DPP6: variants seen among roughly 807,000 people sequenced by gnomAD.
DPP6 encodes the protein A-type potassium channel modulatory protein DPP6.
A neutral mutation model predicts 122.6 loss-of-function variants in DPP6; 69 were observed. The observed-to-expected ratio is 0.56, with a 90% confidence interval of 0.46 to 0.69. The LOEUF (loss-of-function observed/expected upper bound fraction) is 0.69. DPP6 is among the 30% of genes least tolerant of loss of function. The probability of loss-of-function intolerance (pLI) is 0.00; values close to 1 mark genes in which losing one functional copy is unlikely to be tolerated. For synonymous variants in DPP6, 418 were observed against 433.1 expected, an observed-to-expected ratio of 0.97 and a Z score of 0.43; for missense variants, 928 against 1,116.9, an observed-to-expected ratio of 0.83 and a Z score of 2.41.
At chr7:154,669,274 T>C (rs1335304004) in intron 6 of DPP6, 86 bp from the exon 7 acceptor site, 1 of 1,545,716 alleles carries the variant, frequency 6.5e-7, no homozygotes, top group Non-Finnish European at 8.7e-7. Flanking sequence ...AGGAGTTAAG[T>C]TATAGGTAGG....
rs1319586316 is a variant in DPP6, at chr7:154,481,525, C to T, written c.457+6488C>T. Among the ~76,000 whole-genome samples the T allele has an allele frequency of 6.6e-6, 1 of 151,340 alleles. No homozygotes were observed. Among genetic ancestry groups the T allele is most frequent in the Non-Finnish European group, 1.5e-5 (1 of 67,796 alleles). On this transcript the variant is annotated intron_variant, in intron 3 of 25. Coordinates refer to ENST00000377770, the MANE Select transcript of DPP6 (RefSeq NM_130797.4). The surrounding 1 kb of genome is among the most constrained non-coding windows in gnomAD (Gnocchi z 4.2). ...GCCCACTGTGCGAGCACAGCCCTGG[C>T]CCCCCGACCCTCCATGTCTCAGACT...
chr7:154,631,305 G>C (rs1320315327), intron 5 of DPP6, among the ~76,000 whole-genome samples: 2 of 152,180 alleles, frequency 1.3e-5, no homozygotes, highest in Non-Finnish European at 2.9e-5. Flanking sequence ...AGCAGGTCCT[G>C]GAATCAGGAA....
At chr7:154,118,904 CT>C (rs1251264834) in intron 1 of DPP6, among the ~76,000 whole-genome samples, 1 of 149,404 alleles carries the variant, frequency 6.7e-6, no homozygotes, top group Non-Finnish European at 1.5e-5. Flanking sequence ...TACACTGTTT[CT>C]TCTTCCCTAT....
intron 1 of DPP6, among the ~76,000 whole-genome samples, chr7:154,143,899 T>C (rs1795964801): frequency 1.3e-5 from 2 of 152,244 alleles, no homozygotes; most frequent in African/African-American, 4.8e-5. Flanking sequence ...ATTCATTAAA[T>C]AATTTCCTTA....
At chr7:154,883,103 GCT>G (rs1193508758) in intron 21 of DPP6, among the ~76,000 whole-genome samples, 2 of 140,144 alleles carry the variant, frequency 1.4e-5, no homozygotes, top group Non-Finnish European at 3.1e-5. Context: ...CCATACACAT[GCT>G]CTCACATACA....
At chr7:154,348,578 A>G (rs1288001607) in intron 1 of DPP6, among the ~76,000 whole-genome samples, 1 of 152,212 alleles carries the variant, frequency 6.6e-6, no homozygotes, top group Non-Finnish European at 1.5e-5. Context: ...CATGAAAGGT[A>G]GAAGATGAAA....
intron 1 of DPP6, among the ~76,000 whole-genome samples, chr7:154,168,409 G>C (rs994577393): frequency 1.7e-4 from 26 of 152,178 alleles, no homozygotes; most frequent in Admixed American, 1.4e-3. Context: ...TGGAAAATGT[G>C]AATGGAAAGA....
the DPP6 span, among the ~76,000 whole-genome samples, chr7:153,844,905 A>C: frequency 4.6e-5 from 7 of 152,334 alleles, no homozygotes; most frequent in South Asian, 1.4e-3. Flanking sequence ...TTTGTCACCC[A>C]TGTAAATAAA....
At chr7:153,925,248 C>CT (rs1164194837) in intron 1 of DPP6, among the ~76,000 whole-genome samples, 3 of 152,106 alleles carry the variant, frequency 2.0e-5, no homozygotes, top group Non-Finnish European at 4.4e-5. Flanking sequence ...TGAAGGGAGA[C>CT]TATCTGCATG....
At chr7:154,473,449 A>T (rs539340201) in intron 2 of DPP6, among the ~76,000 whole-genome samples, 1 of 152,318 alleles carries the variant, frequency 6.6e-6, no homozygotes, top group East Asian at 1.9e-4. Context: ...AAAGACTGCT[A>T]CACACAGTAA....
the DPP6 span, among the ~76,000 whole-genome samples, chr7:153,874,252 G>GCGCACACA: frequency 7.3e-5 from 11 of 150,092 alleles, no homozygotes; most frequent in African/African-American, 1.7e-4. Flanking sequence ...GTGCGCACAT[G>GCGCACACA]CACACACACA....
At chr7:154,217,208 C>T (rs1183315283) in intron 1 of DPP6, among the ~76,000 whole-genome samples, 1 of 151,938 alleles carries the variant, frequency 6.6e-6, no homozygotes, top group Non-Finnish European at 1.5e-5. Flanking sequence ...ATGACAAGGA[C>T]AGTTTGAGGG....
chr7:154,492,891 G>A (rs1824405411), intron 3 of DPP6, among the ~76,000 whole-genome samples: 1 of 152,106 alleles, frequency 6.6e-6, no homozygotes, highest in South Asian at 2.1e-4. Flanking sequence ...CTCACTGAAG[G>A]GTTGAGGCTT....
chr7:154,096,175 G>A (rs1805306604), intron 1 of DPP6: 1 of 79,676 alleles, frequency 1.3e-5, no homozygotes, highest in Admixed American at 1.5e-4. Context: ...GAACAAGAAG[G>A]CAGCTGGGTG....
intron 1 of DPP6, among the ~76,000 whole-genome samples, chr7:154,394,992 A>G (rs988088751): frequency 1.3e-5 from 2 of 152,178 alleles, no homozygotes; most frequent in Non-Finnish European, 2.9e-5. Context: ...GCCTTACTTC[A>G]TTTGGGCTGC....
At chr7:154,112,594 G>A (rs1361368803) in intron 1 of DPP6, among the ~76,000 whole-genome samples, 1 of 151,716 alleles carries the variant, frequency 6.6e-6, no homozygotes, top group Admixed American at 6.6e-5. Flanking sequence ...GCAGTGAACT[G>A]AGATTATGCT....
At chr7:154,188,794 T>C (rs1050773720) in intron 1 of DPP6, among the ~76,000 whole-genome samples, 12 of 152,194 alleles carry the variant, frequency 7.9e-5, no homozygotes, top group Admixed American at 7.9e-4. Context: ...CAAACCTATA[T>C]TTACATATTT....
At chr7:153,978,509 G>GT (rs1185203822) in intron 1 of DPP6, among the ~76,000 whole-genome samples, 1 of 152,042 alleles carries the variant, frequency 6.6e-6, no homozygotes, top group Non-Finnish European at 1.5e-5. Context: ...GATGGTAGTT[G>GT]TTTTTTGTTT....
intron 3 of DPP6, among the ~76,000 whole-genome samples, chr7:154,522,176 G>A (rs1827045123): frequency 1.3e-5 from 2 of 152,034 alleles, no homozygotes; most frequent in East Asian, 1.9e-4. Context: ...GGGTTTCACC[G>A]CGTTAGCCAG....
Sources: allele counts gnomAD v4.1 joint callset (sites outside exome capture counted in the v4.1 genomes callset), GRCh38; gene constraint gnomAD v4.1.1; non-coding constraint Gnocchi (gnomAD v3.1); transcripts MANE v1.5; gene names NCBI Gene and HGNC (gene_info 2026-07-23, HGNC 2026-07-21).